Variants in CALN1 observed in about 807,000 individuals in gnomAD.
The protein encoded by CALN1 is calneuron 1, also known as calcium-binding protein 8.
A neutral mutation model predicts 30.6 loss-of-function variants in CALN1; 17 were observed. The ratio of observed to expected loss-of-function variants is 0.56; its 90% confidence interval spans 0.38 to 0.83. CALN1 has a LOEUF of 0.83. Among genes scored for constraint, CALN1 ranks in the 40% least tolerant of loss-of-function variants. The pLI is 0.00. For synonymous variants in CALN1, 156 were observed against 131.4 expected, an observed-to-expected ratio of 1.19 and a Z score of -1.28; for missense variants, 291 against 354.9, an observed-to-expected ratio of 0.82 and a Z score of 1.45.
chr7:72,373,851 A>C (rs1430443396), intron 2 of CALN1, among the ~76,000 whole-genome samples: 3 of 152,212 alleles, frequency 2.0e-5, no homozygotes, highest in African/African-American at 7.2e-5. Context: ...AGATAGAAAA[A>C]CATCTTGAAA....
chr7:72,359,207 C>G (rs1161023004), intron 2 of CALN1, among the ~76,000 whole-genome samples: 1 of 152,244 alleles, frequency 6.6e-6, no homozygotes, highest in South Asian at 2.1e-4. Flanking sequence ...ATTTTAGAAG[C>G]CAGACCATGT....
rs565042243 is a variant in CALN1, at chr7:72,059,137, G to GAA, written c.389-35370_389-35369dup. On this transcript the variant is annotated intron_variant, in intron 4 of 6. Coordinates refer to ENST00000395275, the MANE Select transcript of CALN1 (RefSeq NM_031468.4). ...TATTCCTTTTAAATCGTCAGTTTCA[G>GAA]AAACCTTTATCAAGGAAAATTAACA... Among the ~76,000 whole-genome samples the GAA allele has an allele frequency of 7.2e-5, 11 of 152,320 alleles. No individual in the cohort carries two copies. In the East Asian group the frequency reaches 1.3e-3, roughly 19 times the overall value.
At chr7:72,413,599 AAC>A (rs1389601150), upstream of CALN1, among the ~76,000 whole-genome samples, 4 of 151,164 alleles carry the variant, frequency 2.6e-5, no homozygotes, top group Admixed American at 6.6e-5. Context: ...TATACACACT[AAC>A]ACATGCACAC....
At chr7:72,346,029 A>AT (rs1802623940) in intron 2 of CALN1, among the ~76,000 whole-genome samples, 1 of 152,234 alleles carries the variant, frequency 6.6e-6, no homozygotes, top group Non-Finnish European at 1.5e-5. Flanking sequence ...TAAAACAGAC[A>AT]TTAAAACAAT....
At chr7:72,047,248 C>T (rs1802528515) in intron 4 of CALN1, among the ~76,000 whole-genome samples, 1 of 152,020 alleles carries the variant, frequency 6.6e-6, no homozygotes, top group African/African-American at 2.4e-5. Flanking sequence ...GAAAGCCTTC[C>T]ACAAAGAAGA....
At chr7:72,420,950 T>A (rs1487163003) in intron 1 of CALN1, among the ~76,000 whole-genome samples, 1 of 152,008 alleles carries the variant, frequency 6.6e-6, no homozygotes. Flanking sequence ...AAGGGCCTTT[T>A]TCATATAATA....
At chr7:72,140,600 G>T (rs1434411998) in intron 3 of CALN1, among the ~76,000 whole-genome samples, 1 of 152,226 alleles carries the variant, frequency 6.6e-6, no homozygotes, top group Non-Finnish European at 1.5e-5. Flanking sequence ...TGGCAGGCAG[G>T]GTGTGGCCAG....
intron 4 of CALN1, among the ~76,000 whole-genome samples, chr7:72,044,019 T>C (rs775379160): frequency 5.3e-5 from 8 of 152,020 alleles, no homozygotes; most frequent in Non-Finnish European, 8.8e-5. Flanking sequence ...AAGAACAGCA[T>C]AGGAAAGTCC....
chr7:71,984,767 T>C (rs1426474541), intron 5 of CALN1, among the ~76,000 whole-genome samples: 3 of 152,184 alleles, frequency 2.0e-5, no homozygotes, highest in African/African-American at 7.2e-5. Context: ...GCAATAACTT[T>C]AGCATACACT....
At chr7:71,977,260 A>C (rs532035993) in intron 5 of CALN1, among the ~76,000 whole-genome samples, 1 of 152,096 alleles carries the variant, frequency 6.6e-6, no homozygotes, top group African/African-American at 2.4e-5. Context: ...GCGAGACCCT[A>C]TCTCTACCAA....
the CALN1 span, among the ~76,000 whole-genome samples, chr7:72,499,838 TTTC>T: frequency 0.012 from 324 of 27,548 alleles, 38 homozygotes; most frequent in African/African-American, 0.061. Context: ...TCTTTCTTTC[TTTC>T]TTTCTTTCTT....
At chr7:72,411,852 T>C (rs1807180459) in intron 1 of CALN1, among the ~76,000 whole-genome samples, 3 of 152,230 alleles carry the variant, frequency 2.0e-5, no homozygotes, top group Admixed American at 2.0e-4. Flanking sequence ...ATACAGATTA[T>C]ATTCCAGGAT....
intron 5 of CALN1, among the ~76,000 whole-genome samples, chr7:71,879,190 G>C (rs1388474019): frequency 6.6e-6 from 1 of 152,128 alleles, no homozygotes; most frequent in East Asian, 1.9e-4. Flanking sequence ...AGTTACATAA[G>C]ACCATAAAAT....
chr7:72,393,273 G>C (rs1805696138), intron 2 of CALN1, among the ~76,000 whole-genome samples: 1 of 152,064 alleles, frequency 6.6e-6, no homozygotes, highest in African/African-American at 2.4e-5. Flanking sequence ...GACCATCCTG[G>C]CTAACACGGT....
At chr7:71,802,010 A>G (rs1411982136) in intron 6 of CALN1, among the ~76,000 whole-genome samples, 2 of 152,022 alleles carry the variant, frequency 1.3e-5, no homozygotes. Context: ...ATTCCCTTTA[A>G]TGGCAAAACC....
At chr7:72,359,993 C>CAAAAAAAAAAAAAAAAAAAAAAAAA (rs1267520809) in intron 2 of CALN1, among the ~76,000 whole-genome samples, 1 of 78,410 alleles carries the variant, frequency 1.3e-5, no homozygotes, top group African/African-American at 5.7e-5. Flanking sequence ...AAAAAAAAAC[C>CAAAAAAAAAAAAAAAAAAAAAAAAA]AAAGTTGACC....
chr7:72,370,447 G>A (rs1424615535), intron 2 of CALN1, among the ~76,000 whole-genome samples: 1 of 151,912 alleles, frequency 6.6e-6, no homozygotes, highest in Non-Finnish European at 1.5e-5. Flanking sequence ...GAGGTCAGGA[G>A]ATCGAGACCA....
intron 3 of CALN1, among the ~76,000 whole-genome samples, chr7:72,170,165 T>C (rs1788836477): frequency 6.6e-6 from 1 of 152,120 alleles, no homozygotes; most frequent in African/African-American, 2.4e-5. Context: ...TTACATTTTG[T>C]AGAGACAGGA....
chr7:72,014,353 C>T (rs370119591), intron 5 of CALN1, among the ~76,000 whole-genome samples: 7 of 152,164 alleles, frequency 4.6e-5, no homozygotes, highest in African/African-American at 1.2e-4. Flanking sequence ...TCCCAAAGTG[C>T]TGGGATTACA....
Sources: gnomAD v4.1 joint callset for allele counts (sites outside exome capture counted in the v4.1 genomes callset) on GRCh38, gnomAD v4.1.1 for gene constraint, MANE v1.5 for transcripts, NCBI Gene and HGNC (gene_info 2026-07-23, HGNC 2026-07-21) for gene names.